FAF1: variants seen among roughly 807,000 people sequenced by gnomAD.
FAF1 encodes the protein Fas associated factor 1.
FAF1 carries 25 observed loss-of-function variants against 92.5 expected under a neutral mutation model. That is an observed-to-expected ratio of 0.27 (90% confidence interval 0.20 to 0.38). The LOEUF is 0.38. FAF1 is among the 10% of genes least tolerant of loss of function. FAF1 has a pLI of 1.00. For missense variants in FAF1, 636 were observed against 793.3 expected (o/e 0.80, Z 2.38); for synonymous variants, 234 against 273.2 (o/e 0.86, Z 1.42).
At chr1:50,681,930 C>A (rs1169975837) in intron 7 of FAF1, among the ~76,000 whole-genome samples, 1 of 151,818 alleles carries the variant, frequency 6.6e-6, no homozygotes, top group African/African-American at 2.4e-5. Context: ...ACCTCCCAGG[C>A]CCAAGCGATC....
rs572202198 is a variant in FAF1, at chr1:50,547,562, G to T, written c.1269-7834C>A. Among the ~76,000 whole-genome samples the T allele has an allele frequency of 1.2e-4, 18 of 152,138 alleles. No homozygotes were observed. In the East Asian group the frequency reaches 3.3e-3, roughly 28 times the overall value. On this transcript the variant is annotated intron_variant, in intron 13 of 18. Transcript: ENST00000396153. ...CCTGAGTAGCTGGGATTACAGGCAA[G>T]TGCCACCACACTGGGCTAATTTTGT...
intron 1 of FAF1, among the ~76,000 whole-genome samples, chr1:50,873,179 CTTTTT>C (rs1644542631): frequency 6.6e-6 from 1 of 152,008 alleles, no homozygotes; most frequent in African/African-American, 2.4e-5. Flanking sequence ...ACATGCTTTT[CTTTTT>C]AAGACATAAT....
chr1:50,695,581 T>C (rs1313972615), intron 7 of FAF1, among the ~76,000 whole-genome samples: 2 of 152,190 alleles, frequency 1.3e-5, no homozygotes, highest in African/African-American at 2.4e-5. Context: ...TTAAAATCTA[T>C]AAAATGGAGG....
chr1:50,684,928 T>G (rs933694042), intron 7 of FAF1, among the ~76,000 whole-genome samples: 1 of 152,212 alleles, frequency 6.6e-6, no homozygotes. Flanking sequence ...TAAGATGGCC[T>G]AAACCAATTA....
At chr1:50,579,945 T>C (rs1650917748) in intron 12 of FAF1, among the ~76,000 whole-genome samples, 1 of 152,186 alleles carries the variant, frequency 6.6e-6, no homozygotes, top group Non-Finnish European at 1.5e-5. Flanking sequence ...TTATCGTTAA[T>C]TTTGTTATAT....
chr1:50,482,191 G>A (rs761323777), intron 17 of FAF1, among the ~76,000 whole-genome samples: 1 of 151,918 alleles, frequency 6.6e-6, no homozygotes, highest in Admixed American at 6.6e-5. Flanking sequence ...TCCTAGTTTT[G>A]TGTTTTCCAG....
chr1:50,580,601 T>C (rs1376369132), intron 12 of FAF1, among the ~76,000 whole-genome samples: 2 of 152,006 alleles, frequency 1.3e-5, no homozygotes, highest in African/African-American at 4.8e-5. Flanking sequence ...ATTAAGAAAG[T>C]GATCATATAA....
At chr1:50,836,139 T>TTG (rs1327463865) in intron 2 of FAF1, among the ~76,000 whole-genome samples, 7 of 151,808 alleles carry the variant, frequency 4.6e-5, no homozygotes, top group Non-Finnish European at 7.4e-5. Flanking sequence ...TTTGGGGATT[T>TTG]TGTGTGTGTG....
At chr1:50,633,870 T>G (rs914853519) in intron 8 of FAF1, among the ~76,000 whole-genome samples, 3 of 152,218 alleles carry the variant, frequency 2.0e-5, no homozygotes, top group African/African-American at 7.2e-5. Flanking sequence ...TTTATACATC[T>G]GAATCCACAG....
chr1:50,640,829 ATTTTTT>A (rs71059592), intron 8 of FAF1, among the ~76,000 whole-genome samples: 8,056 of 88,492 alleles, frequency 0.091, 247 homozygotes, highest in East Asian at 0.14. Context: ...TTATCAGCTG[ATTTTTT>A]TTTTTTTTTT....
rs1209601249 is a variant in FAF1 at position 50,959,925 on chromosome 1, G to A, written c.-114C>T. On this transcript the variant is annotated 5_prime_UTR_variant, in exon 1 of 19. Coordinates refer to ENST00000396153, the MANE Select transcript of FAF1 (RefSeq NM_007051.3). ...CGCCGCCGCCGGGCGCCGAGGGGCT[G>A]GCGGGCGAGCCGGCGGGCGGGTCGG... is the stretch of plus-strand genomic sequence containing the variant. 38 of 601,380 alleles carry A rather than the reference G, an allele frequency of 6.3e-5. No individual in the cohort carries two copies. The highest frequency in any genetic ancestry group is 8.6e-5 in the Non-Finnish European group (38 of 441,016). The allele number at this position is 601,380 out of a possible 1,614,324, so 37.3% of individuals were successfully genotyped here.
chr1:50,728,127 A>C (rs1266673119), intron 6 of FAF1, among the ~76,000 whole-genome samples: 1 of 152,094 alleles, frequency 6.6e-6, no homozygotes, highest in Non-Finnish European at 1.5e-5. Context: ...TACTAATATC[A>C]CTAATATAAT....
chr1:50,557,768 G>A (rs1380983279), intron 13 of FAF1, among the ~76,000 whole-genome samples: 9 of 151,970 alleles, frequency 5.9e-5, no homozygotes, highest in East Asian at 1.9e-4. Context: ...AAGGTCTGCC[G>A]AAATATCATC....
At chr1:50,695,948 C>CTTT (rs767839672) in intron 7 of FAF1, among the ~76,000 whole-genome samples, 13 of 129,364 alleles carry the variant, frequency 1.0e-4, no homozygotes, top group Non-Finnish European at 2.2e-4. Flanking sequence ...CGTGCTTGGC[C>CTTT]TTTTTTTTTT....
At chr1:50,894,304 T>TA (rs34801737) in intron 1 of FAF1, among the ~76,000 whole-genome samples, 6,849 of 62,948 alleles carry the variant, frequency 0.11, 378 homozygotes, top group Non-Finnish European at 0.16. Flanking sequence ...GTCTCAAAAT[T>TA]AAAAAAAAAA....
intron 7 of FAF1, among the ~76,000 whole-genome samples, chr1:50,702,281 A>G (rs975690566): frequency 6.6e-6 from 1 of 152,112 alleles, no homozygotes; most frequent in Non-Finnish European, 1.5e-5. Context: ...CTTTAATAGT[A>G]TTAGTGAGAA....
At chr1:50,613,869 C>T (rs1445886412) in intron 8 of FAF1, among the ~76,000 whole-genome samples, 3 of 151,712 alleles carry the variant, frequency 2.0e-5, no homozygotes, top group Admixed American at 6.6e-5. Flanking sequence ...GAGGCCGAGG[C>T]GGGCAGACCT....
intron 2 of FAF1, among the ~76,000 whole-genome samples, chr1:50,840,145 A>T (rs1644243969): frequency 6.6e-6 from 1 of 151,976 alleles, no homozygotes; most frequent in Non-Finnish European, 1.5e-5. Context: ...AAAGCTAAAA[A>T]CTGTAAAATT....
intron 2 of FAF1, among the ~76,000 whole-genome samples, chr1:50,803,451 C>T (rs1057010498): frequency 2.6e-5 from 4 of 152,130 alleles, no homozygotes; most frequent in Non-Finnish European, 5.9e-5. Context: ...GTTTCCTTAT[C>T]TGTGTAATAC....
Sources: gnomAD v4.1 joint callset for allele counts (sites outside exome capture counted in the v4.1 genomes callset) on GRCh38, gnomAD v4.1.1 for gene constraint, MANE v1.5 for transcripts, NCBI Gene and HGNC (gene_info 2026-07-23, HGNC 2026-07-21) for gene names.